ABCC11: variants seen among roughly 807,000 people sequenced by gnomAD.
ABCC11 encodes ATP binding cassette subfamily C member 11.
In ABCC11, 135 loss-of-function variants were observed where a neutral mutation model predicts 149.3. The ratio of observed to expected loss-of-function variants is 0.90; its 90% CI spans 0.79 to 1.04. The LOEUF is 1.04. Ranked by LOEUF, ABCC11 falls within the 50% of genes least tolerant of loss-of-function variation. The pLI, the probability that ABCC11 is intolerant of heterozygous loss-of-function variation, is 0.00. For missense variants in ABCC11, 1,680 were observed against 1,722.1 expected (o/e 0.98, Z 0.43); for synonymous variants, 665 against 671.4 (o/e 0.99, Z 0.15).
intron 24 of ABCC11, 91 bp from the exon 25 acceptor site, chr16:48,177,204 G>T (rs1419203765): frequency 7.5e-7 from 1 of 1,337,414 alleles, no homozygotes; most frequent in Non-Finnish European, 1.0e-6. Flanking sequence ...TGTAGGGGGT[G>T]TGACCCACCC....
In ABCC11 at chr16:48,167,379, G is replaced by A. The variant is rs774104863; in HGVS notation, c.4057-13C>T. On this transcript the variant is annotated splice_polypyrimidine_tract_variant and intron_variant, in intron 29 of 29. Transcript: ENST00000356608. ...CAAATTCTACCACCTGGAGGGTAGA[G>A]AAAGGCGAGGGGAGGATCAGGGCAC... 8.3e-6 allele frequency: 12 copies of A among 1,452,544 alleles called. No homozygotes were observed. The Admixed American group carries it at 8.4e-5, about 10-fold the overall frequency. 90.0% of individuals were successfully genotyped at this position (1,452,544 alleles called of 1,614,324 possible).
Position 48,200,275 on chromosome 16 carries a change from C to T in ABCC11, c.2082+1G>A. 2 of 1,613,946 alleles carry T rather than the reference C, an allele frequency of 1.2e-6. No homozygotes were observed. Among genetic ancestry groups the T allele is most frequent in the Non-Finnish European group, 1.7e-6 (2 of 1,179,910 alleles). ...AGTCAGAGCCCTGGAAGGGTGCTAA[C>T]CTGCAGCTGGTGGGTCACCAGGACG... is the stretch of plus-strand genomic sequence containing the variant. On this transcript the variant is annotated splice_donor_variant, in intron 15 of 29. Coordinates refer to ENST00000356608, the MANE Select transcript of ABCC11 (RefSeq NM_001370497.1). LOFTEE classifies it high-confidence loss of function.
chr16:48,175,477 G>A (rs1965998218), intron 25 of ABCC11, 60 bp from the exon 26 acceptor site: 3 of 1,544,906 alleles, frequency 1.9e-6, no homozygotes, highest in East Asian at 2.3e-5. Flanking sequence ...CGGAAGCACA[G>A]ATCGCACCTG....
chr16:48,208,152 C>T (rs1470869855), intron 12 of ABCC11, among the ~76,000 whole-genome samples: 1 of 152,030 alleles, frequency 6.6e-6, no homozygotes, highest in African/African-American at 2.4e-5. Flanking sequence ...TGTTAATATC[C>T]TGTATCCTCA....
intron 1 of ABCC11, among the ~76,000 whole-genome samples, chr16:48,245,238 C>G (rs917551442): frequency 1.3e-5 from 2 of 152,106 alleles, no homozygotes; most frequent in South Asian, 2.1e-4. Flanking sequence ...TTCGCTGGTC[C>G]CCCTTTCTGG....
At chr16:48,244,062 T>C (rs1971175399) in intron 1 of ABCC11, 1 of 232,068 alleles carries the variant, frequency 4.3e-6, no homozygotes, top group Non-Finnish European at 8.3e-6. Flanking sequence ...CAAGTATATG[T>C]AAAAAATCGA....
At position 48,211,115 on chromosome 16, in the gene ABCC11, A is replaced by T. The variant is rs149705041; in HGVS notation, c.1441T>A (p.Leu481Met). The change falls in exon 11 of 30, where the codon TTG becomes ATG. Residue 481 changes from leucine (L) to methionine (M), a missense_variant. Transcript: ENST00000356608. ...CCGGGACAGGTCTGTTGCCATGACA[A>T]GGTGGCCTCCTCAAAGACCAGAGCT... ...SKALVFEEAT[L>M]SWQQTCPGIV... The T allele has an allele frequency of 2.1e-4, 334 of 1,614,204 alleles. No homozygotes were observed. The African/African-American group carries it at 4.0e-3, about 19-fold the overall frequency.
chr16:48,213,388 GA>G, intron 10 of ABCC11, 54 bp downstream of exon 10: 1 of 1,491,162 alleles, frequency 6.7e-7, no homozygotes. Flanking sequence ...CATGGGGGCT[GA>G]AGGCAGAGGA....
At chr16:48,231,672 AAAAAGAG>A in intron 2 of ABCC11, 144 bp downstream of exon 2, 30 of 1,173,264 alleles carry the variant, frequency 2.6e-5, no homozygotes, top group South Asian at 1.2e-4. Flanking sequence ...AAAAAAAAAA[AAAAAGAG>A]AGAGAGAGAG....
intron 26 of ABCC11, among the ~76,000 whole-genome samples, chr16:48,171,923 A>G: frequency 6.6e-6 from 1 of 152,198 alleles, no homozygotes; most frequent in Admixed American, 6.5e-5. Context: ...AGATGGTGTC[A>G]CTGCACTCTA....
In ABCC11 at chr16:48,227,789, GC is replaced by G. The variant is rs767323551; in HGVS notation, c.395+16del. 7.4e-6 allele frequency: 12 copies of G among 1,613,592 alleles called. No individual in the cohort carries two copies. In the African/African-American group the frequency reaches 1.6e-4, roughly 22 times the overall value. ...TGTCTTTTAACCTATCCACTGGTTT[GC>G]CCAGCGCAGCTTCACCTTTGGACAT... On this transcript the variant is annotated intron_variant, in intron 4 of 29. Transcript: ENST00000356608.
intron 18 of ABCC11, among the ~76,000 whole-genome samples, chr16:48,194,720 C>A (rs1967234993): frequency 6.6e-6 from 1 of 152,184 alleles, no homozygotes; most frequent in African/African-American, 2.4e-5. Context: ...TTTATCCCCT[C>A]CAGGGATGGA....
intron 1 of ABCC11, among the ~76,000 whole-genome samples, chr16:48,235,716 G>A (rs1239501893): frequency 6.6e-6 from 1 of 152,188 alleles, no homozygotes; most frequent in African/African-American, 2.4e-5. Flanking sequence ...TCTAATTGGT[G>A]TAAGACCATC....
intron 1 of ABCC11, among the ~76,000 whole-genome samples, chr16:48,245,375 T>C (rs763441391): frequency 1.3e-5 from 2 of 152,194 alleles, no homozygotes; most frequent in Non-Finnish European, 2.9e-5. Context: ...AACCTCTATT[T>C]CTTTTATTCT....
chr16:48,173,719 G>T (rs1965860204), intron 26 of ABCC11, among the ~76,000 whole-genome samples: 1 of 152,122 alleles, frequency 6.6e-6, no homozygotes, highest in Non-Finnish European at 1.5e-5. Context: ...CCACCTCCCG[G>T]GCTCATGCGA....
chr16:48,201,371 C>T (rs1348280390), intron 14 of ABCC11, among the ~76,000 whole-genome samples: 2 of 152,140 alleles, frequency 1.3e-5, no homozygotes, highest in Non-Finnish European at 2.9e-5. Context: ...ACCTCCGCCT[C>T]TCAGTCTCAA....
chr16:48,241,845 T>A (rs944294501), intron 1 of ABCC11, among the ~76,000 whole-genome samples: 1 of 152,196 alleles, frequency 6.6e-6, no homozygotes, highest in Admixed American at 6.5e-5. Context: ...TAGCCATATG[T>A]AGAAAGCTGA....
At chr16:48,196,098 G>T (rs1396819852) in intron 18 of ABCC11, 134 bp downstream of exon 18, 3 of 818,858 alleles carry the variant, frequency 3.7e-6, no homozygotes, top group Non-Finnish European at 5.6e-6. Context: ...GTTTGGTTTT[G>T]CAAGTTAGGC....
chr16:48,224,252 C>T, intron 5 of ABCC11, 30 bp downstream of exon 5: 1 of 1,610,178 alleles, frequency 6.2e-7, no homozygotes, highest in Non-Finnish European at 8.5e-7. Flanking sequence ...AGCCTAGAGT[C>T]CCCCAAACCT....
Sources: gnomAD v4.1 joint callset for allele counts (sites outside exome capture counted in the v4.1 genomes callset) on GRCh38, gnomAD v4.1.1 for gene constraint, MANE v1.5 for transcripts, NCBI Gene and HGNC (gene_info 2026-07-23, HGNC 2026-07-21) for gene names.